NTM: variants seen among roughly 807,000 people sequenced by gnomAD.
NTM encodes the protein IgLON family member 2.
NTM carries 13 observed loss-of-function variants against 42.1 expected under a neutral mutation model. The ratio of observed to expected loss-of-function variants is 0.31; its 90% confidence interval spans 0.20 to 0.49. The LOEUF is 0.49. NTM is among the 20% of genes least tolerant of loss of function. The probability of loss-of-function intolerance (pLI) is 0.99; values close to 1 mark genes in which losing one functional copy is unlikely to be tolerated. For missense variants in NTM, 373 were observed against 452.8 expected (o/e 0.82, Z 1.60); for synonymous variants, 187 against 179.2 (o/e 1.04, Z -0.35).
intron 4 of NTM, among the ~76,000 whole-genome samples, chr11:132,239,470 G>A (rs2089762095): frequency 6.6e-6 from 1 of 152,180 alleles, no homozygotes; most frequent in Admixed American, 6.5e-5. Flanking sequence ...TAAAAACTAA[G>A]GTGGGGCTGT....
At chr11:131,578,237 G>A (rs2058098108) in intron 1 of NTM, among the ~76,000 whole-genome samples, 1 of 152,152 alleles carries the variant, frequency 6.6e-6, no homozygotes, top group Non-Finnish European at 1.5e-5. Flanking sequence ...CTAAGATAAT[G>A]GAATTTCACA....
At chr11:131,734,104 A>T (rs141905135) in intron 1 of NTM, among the ~76,000 whole-genome samples, 1 of 152,190 alleles carries the variant, frequency 6.6e-6, no homozygotes, top group Middle Eastern at 3.2e-3. Flanking sequence ...GAGACCCTCC[A>T]GTGGGGCCAT....
At chr11:131,931,468 C>CATGTGT (rs1555181874) in intron 2 of NTM, among the ~76,000 whole-genome samples, 10 of 142,604 alleles carry the variant, frequency 7.0e-5, no homozygotes, top group Non-Finnish European at 1.2e-4. Flanking sequence ...ATAATATATA[C>CATGTGT]GTGTGTGTGT....
intron 2 of NTM, among the ~76,000 whole-genome samples, chr11:132,123,997 C>T (rs544083707): frequency 3.3e-5 from 5 of 152,118 alleles, no homozygotes; most frequent in African/African-American, 7.2e-5. Context: ...CTTTGTGACC[C>T]GAGGCAATTT....
chr11:131,752,482 G>C (rs909467458), intron 1 of NTM, among the ~76,000 whole-genome samples: 1 of 152,190 alleles, frequency 6.6e-6, no homozygotes, highest in Admixed American at 6.5e-5. Flanking sequence ...TCAGTGTGGC[G>C]ATTCCTCAGG....
At chr11:131,745,746 G>A (rs760820200) in intron 1 of NTM, among the ~76,000 whole-genome samples, 12 of 152,002 alleles carry the variant, frequency 7.9e-5, no homozygotes, top group Non-Finnish European at 1.8e-4. Context: ...AGACAAATGA[G>A]ACATCTATTT....
At chr11:132,219,814 C>T (rs1193601405) in intron 4 of NTM, among the ~76,000 whole-genome samples, 1 of 152,166 alleles carries the variant, frequency 6.6e-6, no homozygotes, top group Non-Finnish European at 1.5e-5. Context: ...TTCAGCCAGC[C>T]CCCTCCTCTT....
At chr11:131,789,993 A>C (rs899642915) in intron 1 of NTM, among the ~76,000 whole-genome samples, 3 of 149,308 alleles carry the variant, frequency 2.0e-5, no homozygotes, top group Non-Finnish European at 4.4e-5. Flanking sequence ...CATGCTTCTC[A>C]ATGAAGAAAA....
chr11:131,842,391 T>A (rs1293565577), intron 1 of NTM, among the ~76,000 whole-genome samples: 1 of 152,190 alleles, frequency 6.6e-6, no homozygotes, highest in African/African-American at 2.4e-5. Flanking sequence ...ACAGAGTTTA[T>A]CTGTTGTGAA....
chr11:131,789,460 G>GA (rs1254856871), intron 1 of NTM, among the ~76,000 whole-genome samples: 2 of 13,354 alleles, frequency 1.5e-4, no homozygotes, highest in Non-Finnish European at 3.0e-4. Flanking sequence ...AGAAGAAGAA[G>GA]AAGAAGAAGA....
At chr11:131,710,296 T>G (rs1346513946) in intron 1 of NTM, among the ~76,000 whole-genome samples, 1 of 152,178 alleles carries the variant, frequency 6.6e-6, no homozygotes. Context: ...AACTACTTAA[T>G]GACATGGAAA....
At chr11:131,990,837 T>C (rs764287264) in intron 2 of NTM, among the ~76,000 whole-genome samples, 5 of 152,208 alleles carry the variant, frequency 3.3e-5, no homozygotes, top group Non-Finnish European at 7.4e-5. Flanking sequence ...GACTGAGCTC[T>C]ATAAACTATT....
intron 2 of NTM, among the ~76,000 whole-genome samples, chr11:132,125,665 G>A: frequency 4.4e-4 from 1 of 2,260 alleles, no homozygotes; most frequent in Non-Finnish European, 1.2e-3. Context: ...TGGTGTGTGT[G>A]TCATGTGTAG....
intron 1 of NTM, among the ~76,000 whole-genome samples, chr11:131,640,421 C>T (rs1273562117): frequency 2.6e-5 from 4 of 152,174 alleles, no homozygotes; most frequent in African/African-American, 9.7e-5. Flanking sequence ...AGGGAGGACT[C>T]ATTCCTCCCG....
intron 2 of NTM, among the ~76,000 whole-genome samples, chr11:132,047,018 A>G (rs2078115060): frequency 6.6e-6 from 1 of 152,196 alleles, no homozygotes; most frequent in South Asian, 2.1e-4. Context: ...CGTTTTACCC[A>G]TGGAACCCTG....
chr11:131,914,433 A>G (rs1339143626), intron 2 of NTM, among the ~76,000 whole-genome samples: 1 of 152,084 alleles, frequency 6.6e-6, no homozygotes, highest in Non-Finnish European at 1.5e-5. Flanking sequence ...CCTATGGGTG[A>G]TTGGGTGATG....
chr11:132,078,855 T>C (rs921999420), intron 2 of NTM, among the ~76,000 whole-genome samples: 5 of 152,184 alleles, frequency 3.3e-5, no homozygotes, highest in African/African-American at 7.2e-5. Context: ...TTTCAAAACC[T>C]CTTTCCCCTT....
chr11:131,538,834 G>A (rs1489826512), intron 1 of NTM, among the ~76,000 whole-genome samples: 2 of 150,038 alleles, frequency 1.3e-5, no homozygotes, highest in Non-Finnish European at 3.0e-5. Flanking sequence ...ATAATGTGTT[G>A]CACATTTCAA....
intron 1 of NTM, among the ~76,000 whole-genome samples, chr11:131,623,712 C>G (rs1215343714): frequency 1.3e-5 from 2 of 152,212 alleles, no homozygotes; most frequent in Admixed American, 6.5e-5. Context: ...AGTGTGTCCC[C>G]CTCTGGGCCA....
Sources: allele counts gnomAD v4.1 joint callset (sites outside exome capture counted in the v4.1 genomes callset), GRCh38; gene constraint gnomAD v4.1.1; transcripts MANE v1.5; gene names NCBI Gene and HGNC (gene_info 2026-07-23, HGNC 2026-07-21).